The following PTPN9 variants were observed in gnomAD, a reference collection of about 807,000 sequenced individuals.
PTPN9 encodes tyrosine-protein phosphatase non-receptor type 9.
PTPN9 carries 26 observed loss-of-function variants against 69.8 expected under a neutral mutation model. The ratio of observed to expected loss-of-function variants is 0.37; its 90% confidence interval spans 0.27 to 0.52. The LOEUF (loss-of-function observed/expected upper bound fraction) is 0.52. Ranked by LOEUF, PTPN9 falls within the 20% of genes least tolerant of loss-of-function variation. The probability of loss-of-function intolerance (pLI) is 0.91; values close to 1 mark genes in which losing one functional copy is unlikely to be tolerated. For missense variants in PTPN9, 549 were observed against 740.3 expected, an observed-to-expected ratio of 0.74 and a Z score of 3.00; for synonymous variants, 274 against 272.5, an observed-to-expected ratio of 1.01 and a Z score of -0.05.
Position 75,498,187 on chromosome 15 carries a change from C to T in PTPN9, c.968+7488G>A, listed in dbSNP as rs904867597. 2.6e-5 allele frequency among the ~76,000 whole-genome samples: 4 copies of T among 151,900 alleles called. 1 individual carries two copies. The highest frequency in any genetic ancestry group is 1.9e-4 in the East Asian group (1 of 5,146). ...TCCAGCCTGGGCGACAGAGCGAGAC[C>T]ACATCTCAGAGAAATATATATATAT... On this transcript the variant is annotated intron_variant, in intron 7 of 12. Transcript: ENST00000618819.
chr15:75,498,164 C>T (rs1194493514), intron 7 of PTPN9, among the ~76,000 whole-genome samples: 7 of 151,932 alleles, frequency 4.6e-5, no homozygotes, highest in Non-Finnish European at 8.8e-5. Flanking sequence ...CACTGAACTC[C>T]AGCCTGGGCG....
At position 75,530,700 on chromosome 15, in the gene PTPN9, A is replaced by T. The variant is rs1278023108; in HGVS notation, c.64-3439T>A. ...TATATTATTATATTATAATATATAT[A>T]ATATATATTATTATATAATATATAT... is the stretch of plus-strand genomic sequence containing the variant. On this transcript the variant is annotated intron_variant, in intron 1 of 12. Coordinates refer to ENST00000618819, the MANE Select transcript of PTPN9 (RefSeq NM_002833.4). 1.1e-3 allele frequency among the ~76,000 whole-genome samples: 35 copies of T among 30,756 alleles called. 3 individuals are homozygous for T. Among genetic ancestry groups the T allele is most frequent in the African/African-American group, 5.2e-3 (22 of 4,222 alleles). The allele number at this position is 30,756 out of a possible 152,430, so 20.2% of individuals were successfully genotyped here.
intron 7 of PTPN9, among the ~76,000 whole-genome samples, chr15:75,499,697 C>T (rs2074762949): frequency 6.6e-6 from 1 of 151,928 alleles, no homozygotes; most frequent in South Asian, 2.1e-4. Flanking sequence ...AGCCACCGCG[C>T]CCAGCCAAAC....
chr15:75,529,997 C>G (rs1343506686), intron 1 of PTPN9, among the ~76,000 whole-genome samples: 2 of 146,320 alleles, frequency 1.4e-5, no homozygotes, highest in East Asian at 4.1e-4. Flanking sequence ...AGGTCAGGAG[C>G]TCGAGACCAG....
Position 75,527,276 on chromosome 15 carries a change from A to G in PTPN9, c.64-15T>C. The G allele has an allele frequency of 6.2e-7, 1 of 1,613,206 alleles. No homozygotes were observed. The highest frequency in any genetic ancestry group is 2.2e-5 in the East Asian group (1 of 44,870). On this transcript the variant is annotated splice_polypyrimidine_tract_variant and intron_variant, in intron 1 of 12. Coordinates refer to ENST00000618819, the MANE Select transcript of PTPN9 (RefSeq NM_002833.4). ...TGCTTGGTAGCCTGTTTGACAAAGA[A>G]AGAAAGAATAATTAGTAAGAAGAGA...
chr15:75,503,213 T>C (rs1189052884), intron 7 of PTPN9, among the ~76,000 whole-genome samples: 29 of 126,346 alleles, frequency 2.3e-4, no homozygotes, highest in Middle Eastern at 4.8e-3. Context: ...CCGGCAGCCA[T>C]CCCATCTGGG....
rs779565172 is a variant in PTPN9, at chr15:75,508,956, G to C, written c.600C>G (p.Ser200=). Residue 200 remains serine, a synonymous_variant, in exon 6 of 13, where the codon TCC becomes TCG. Transcript: ENST00000618819. ...GAPIWFRVPY[S]IISLLLKDKV... The stretch of plus-strand genomic sequence containing the variant: ...TGTCCTTCAGGAGGAGACTGATGAT[G>C]GAATAGGGCACTCGGAACCATATGG... The C allele has an allele frequency of 6.2e-7, 1 of 1,614,058 alleles. No homozygotes were observed. Among genetic ancestry groups the C allele is most frequent in the Non-Finnish European group, 8.5e-7 (1 of 1,179,946 alleles).
In PTPN9 at chr15:75,473,691, G is replaced by T. The variant is rs766736309; in HGVS notation, c.1206C>A (p.Thr402=). ...EQKVLVIVMT[T]RFEEGGRRKC... is the part of the protein sequence containing the mutation. ...TTGGAAAAAAGGGATTAACTCACCGGGTGGTCATGACAATCACCAAGACTT... is the reference window on the plus strand; with the variant it reads ...TTGGAAAAAAGGGATTAACTCACCGTGTGGTCATGACAATCACCAAGACTT... Residue 402 remains threonine (T), a splice_region_variant and synonymous_variant, in exon 10 of 13, where the codon ACC becomes ACA. Transcript: ENST00000618819. 6.4e-7 allele frequency: 1 copy of T among 1,556,886 alleles called. No individual in the cohort carries two copies.
chr15:75,542,474 AG>A (rs1286141153), intron 1 of PTPN9, among the ~76,000 whole-genome samples: 3 of 152,250 alleles, frequency 2.0e-5, no homozygotes, highest in African/African-American at 7.2e-5. Context: ...CTGCTATTAA[AG>A]GATTAATATC....
chr15:75,499,695 C>T (rs1261987017), intron 7 of PTPN9, among the ~76,000 whole-genome samples: 7 of 151,836 alleles, frequency 4.6e-5, no homozygotes, highest in African/African-American at 9.7e-5. Flanking sequence ...TGAGCCACCG[C>T]GCCCAGCCAA....
At chr15:75,538,679 CCT>C (rs1351479031) in intron 1 of PTPN9, among the ~76,000 whole-genome samples, 2 of 151,408 alleles carry the variant, frequency 1.3e-5, no homozygotes, top group Non-Finnish European at 2.9e-5. Flanking sequence ...ACAGCCAGAC[CCT>C]GTCTCAAAAA....
intron 1 of PTPN9, among the ~76,000 whole-genome samples, chr15:75,528,280 C>A (rs1315502140): frequency 6.6e-6 from 1 of 152,074 alleles, no homozygotes; most frequent in Admixed American, 6.6e-5. Context: ...AATTCATGTT[C>A]TTTTATGCAC....
chr15:75,505,495 A>C (rs1460691230), intron 7 of PTPN9, among the ~76,000 whole-genome samples, 180 bp downstream of exon 7: 1 of 151,898 alleles, frequency 6.6e-6, no homozygotes, highest in Non-Finnish European at 1.5e-5. Context: ...AAAAAAAAAG[A>C]AGCACCAAAG....
intron 8 of PTPN9, chr15:75,480,918 C>T (rs2074628697): frequency 4.2e-6 from 1 of 239,312 alleles, no homozygotes; most frequent in Non-Finnish European, 7.6e-6. Flanking sequence ...AGGAGTGTCT[C>T]TGCCTGGCCG....
chr15:75,503,675 T>C (rs2074790764), intron 7 of PTPN9, among the ~76,000 whole-genome samples: 1 of 98,756 alleles, frequency 1.0e-5, no homozygotes, highest in African/African-American at 3.9e-5. Flanking sequence ...TACTGGGAAG[T>C]GAGGAGCCCC....
intron 7 of PTPN9, among the ~76,000 whole-genome samples, chr15:75,490,725 C>T (rs1196448108): frequency 1.3e-5 from 2 of 152,052 alleles, no homozygotes; most frequent in Non-Finnish European, 2.9e-5. Context: ...CCTGGGTTCA[C>T]GCCATTCTCC....
At chr15:75,485,045 A>G (rs2074666205) in intron 8 of PTPN9, among the ~76,000 whole-genome samples, 1 of 152,182 alleles carries the variant, frequency 6.6e-6, no homozygotes, top group Admixed American at 6.5e-5. Flanking sequence ...CATAGCAGCT[A>G]GTATTGACCT....
At chr15:75,544,753 G>GA (rs1318488717) in intron 1 of PTPN9, among the ~76,000 whole-genome samples, 1 of 150,954 alleles carries the variant, frequency 6.6e-6, no homozygotes, top group East Asian at 1.9e-4. Context: ...CTTTCTGGGG[G>GA]AAAAAAAAAT....
intron 1 of PTPN9, among the ~76,000 whole-genome samples, chr15:75,547,827 G>A (rs189058403): frequency 7.2e-5 from 11 of 151,760 alleles, no homozygotes; most frequent in South Asian, 4.2e-4. Flanking sequence ...CACCACACCC[G>A]GCTAATTTTT....
Sources: allele counts gnomAD v4.1 joint callset (sites outside exome capture counted in the v4.1 genomes callset), GRCh38; gene constraint gnomAD v4.1.1; transcripts MANE v1.5; gene names NCBI Gene and HGNC (gene_info 2026-07-23, HGNC 2026-07-21).